The following DSCAML1 variants were observed in gnomAD, a reference collection of about 807,000 sequenced individuals.
The protein encoded by DSCAML1 is DS cell adhesion molecule like 1, also known as cell adhesion molecule DSCAML1.
Under a neutral mutation model 200.5 loss-of-function variants are expected in DSCAML1, and 38 were observed. The ratio of observed to expected loss-of-function variants is 0.19; its 90% CI spans 0.15 to 0.25. DSCAML1 has a LOEUF of 0.25. DSCAML1 is among the 10% of genes least tolerant of loss of function. The probability of loss-of-function intolerance (pLI) is 1.00; values close to 1 mark genes in which losing one functional copy is unlikely to be tolerated. For missense variants in DSCAML1, 2,223 were observed against 2,858.8 expected (o/e 0.78, Z 5.07); for synonymous variants, 1,215 against 1,165.0 (o/e 1.04, Z -0.87).
chr11:117,629,530 G>A (rs1395599764), intron 3 of DSCAML1, among the ~76,000 whole-genome samples: 1 of 147,134 alleles, frequency 6.8e-6, no homozygotes, highest in Non-Finnish European at 1.5e-5. Context: ...CTGGGCAGGG[G>A]TGATGAGAAA....
intron 11 of DSCAML1, among the ~76,000 whole-genome samples, chr11:117,499,902 C>T (rs139823469): frequency 1.9e-4 from 29 of 152,324 alleles, no homozygotes; most frequent in Non-Finnish European, 2.5e-4. Flanking sequence ...TTGGGAATTC[C>T]GACTCCCATC....
At chr11:117,568,009 A>C (rs1591274998) in intron 3 of DSCAML1, among the ~76,000 whole-genome samples, 1 of 151,858 alleles carries the variant, frequency 6.6e-6, no homozygotes, top group South Asian at 2.1e-4. Flanking sequence ...GCAGCACATC[A>C]AAAAGCTTAT....
chr11:117,575,469 T>G (rs2050915597), intron 3 of DSCAML1, among the ~76,000 whole-genome samples: 1 of 152,216 alleles, frequency 6.6e-6, no homozygotes, highest in Non-Finnish European at 1.5e-5. Context: ...AGCTCTACCC[T>G]TGAGGCTTCT....
chr11:117,709,891 G>A (rs2053816587), intron 3 of DSCAML1: 2 of 394,112 alleles, frequency 5.1e-6, no homozygotes, highest in African/African-American at 2.1e-5. Context: ...CCAGACAGAA[G>A]GAGCAGGGGC....
chr11:117,472,516 A>G (rs933627630), intron 14 of DSCAML1, among the ~76,000 whole-genome samples: 3 of 151,970 alleles, frequency 2.0e-5, no homozygotes, highest in Non-Finnish European at 4.4e-5. Context: ...TTCCTTGTGC[A>G]CTTGTGAGGT....
chr11:117,749,400 G>T (rs1048010029), intron 3 of DSCAML1, among the ~76,000 whole-genome samples: 13 of 152,230 alleles, frequency 8.5e-5, no homozygotes, highest in Admixed American at 3.3e-4. Flanking sequence ...GAAGGCCAAC[G>T]CTATTGACAC....
At chr11:117,567,153 C>T (rs1286327715) in intron 3 of DSCAML1, among the ~76,000 whole-genome samples, 1 of 152,232 alleles carries the variant, frequency 6.6e-6, no homozygotes, top group Non-Finnish European at 1.5e-5. Flanking sequence ...GGAATCGCCA[C>T]ACTGACTTCC....
chr11:117,755,751 A>C (rs1389767625), intron 3 of DSCAML1, among the ~76,000 whole-genome samples: 1 of 152,174 alleles, frequency 6.6e-6, no homozygotes, highest in Non-Finnish European at 1.5e-5. Context: ...CACCCACAGG[A>C]GATCTCTGAG....
At position 117,470,736 on chromosome 11, in the gene DSCAML1, C is replaced by T. The variant is rs370200083; in HGVS notation, c.2954-756G>A. ...CCAAGCTACAAACAATCTAAATGTC[C>T]ATCTACAGTAGAATGGACAAATCCC... On this transcript the variant is annotated intron_variant, in intron 15 of 32. Coordinates refer to ENST00000651296, the MANE Select transcript of DSCAML1 (RefSeq NM_020693.4). 1.1e-4 allele frequency among the ~76,000 whole-genome samples: 17 copies of T among 152,270 alleles called. No individual in the cohort carries two copies. The East Asian group carries it at 2.9e-3, about 26-fold the overall frequency.
At chr11:117,674,647 C>T (rs1043912218) in intron 3 of DSCAML1, among the ~76,000 whole-genome samples, 2 of 152,094 alleles carry the variant, frequency 1.3e-5, no homozygotes, top group African/African-American at 4.8e-5. Context: ...ATGAGGCACC[C>T]GACTAAGCAC....
chr11:117,602,258 C>T (rs1038219397), intron 3 of DSCAML1, among the ~76,000 whole-genome samples: 5 of 152,354 alleles, frequency 3.3e-5, no homozygotes, highest in Middle Eastern at 3.4e-3. Context: ...CTTTGCTCCA[C>T]GACGGGCCCT....
At chr11:117,536,806 TCTTC>T (rs2050179850) in intron 3 of DSCAML1, among the ~76,000 whole-genome samples, 1 of 152,222 alleles carries the variant, frequency 6.6e-6, no homozygotes, top group Non-Finnish European at 1.5e-5. Flanking sequence ...TTTCTGCTTT[TCTTC>T]CTTTTATTAT....
intron 3 of DSCAML1, among the ~76,000 whole-genome samples, chr11:117,711,994 A>G (rs79459688): frequency 0.058 from 8,758 of 152,196 alleles, 638 homozygotes; most frequent in African/African-American, 0.17. Context: ...GCGTTTGTGG[A>G]CCTCTTGCTA....
At chr11:117,701,584 A>G (rs1288096085) in intron 3 of DSCAML1, among the ~76,000 whole-genome samples, 2 of 152,168 alleles carry the variant, frequency 1.3e-5, no homozygotes, top group African/African-American at 4.8e-5. Context: ...GGGCTGTGCA[A>G]AGATCCCCTT....
chr11:117,799,942 C>T (rs7125694), upstream of DSCAML1, among the ~76,000 whole-genome samples: 81,546 of 151,574 alleles, frequency 0.54, 22,573 homozygotes, highest in African/African-American at 0.68. Context: ...AATGCTGGGA[C>T]GATATTGTGC....
At chr11:117,626,044 T>C (rs1422492244) in intron 3 of DSCAML1, among the ~76,000 whole-genome samples, 3 of 152,232 alleles carry the variant, frequency 2.0e-5, no homozygotes, top group Non-Finnish European at 4.4e-5. Flanking sequence ...CTAGTGCCTG[T>C]GCAGCTGGGT....
In DSCAML1 at chr11:117,437,485, G is replaced by T. The variant is rs2047944791; in HGVS notation, c.4433-76C>A. ...GGACTGGACTGGGCTGGGCTGGAAA[G>T]GATTTCCCTGGGGCAGCTGGGATGG... On this transcript the variant is annotated intron_variant, in intron 25 of 32. Transcript: ENST00000651296. This position sits in a 1 kb window ranked among gnomAD's most constrained non-coding sequence, Gnocchi z 5.3. The T allele has an allele frequency of 6.6e-7, 1 of 1,516,024 alleles. No homozygotes were observed. The highest frequency in any genetic ancestry group is 8.9e-7 in the Non-Finnish European group (1 of 1,119,078). The allele number at this position is 1,516,024 out of a possible 1,614,324, so 93.9% of individuals were successfully genotyped here. A position where few individuals can be genotyped will look rare whatever the true frequency, so the allele number is the denominator to read the frequency against.
chr11:117,490,964 C>G (rs1443542897), intron 11 of DSCAML1, among the ~76,000 whole-genome samples: 1 of 152,176 alleles, frequency 6.6e-6, no homozygotes, highest in Non-Finnish European at 1.5e-5. Flanking sequence ...TCTGGCCTTC[C>G]CTGTCTTTGT....
chr11:117,634,116 G>A (rs947305462), intron 3 of DSCAML1, among the ~76,000 whole-genome samples: 3 of 152,164 alleles, frequency 2.0e-5, no homozygotes, highest in African/African-American at 4.8e-5. Flanking sequence ...AGAGGCTCCC[G>A]ACCCAGGGCA....
Sources: gnomAD v4.1 joint callset for allele counts (sites outside exome capture counted in the v4.1 genomes callset) on GRCh38, gnomAD v4.1.1 for gene constraint, Gnocchi (gnomAD v3.1) non-coding constraint, MANE v1.5 for transcripts, NCBI Gene and HGNC (gene_info 2026-07-23, HGNC 2026-07-21) for gene names.